Variants in SMYD2 observed in about 807,000 individuals in gnomAD.
SMYD2 encodes the protein SET and MYND domain containing 2, also known as N-lysine methyltransferase SMYD2.
In SMYD2, 53 loss-of-function variants were observed where a neutral mutation model predicts 59.1. The ratio of observed to expected loss-of-function variants is 0.90; its 90% CI spans 0.72 to 1.13. The LOEUF is 1.13. SMYD2 is among the 50% of genes most tolerant of loss of function. SMYD2 has a pLI of 0.00. For synonymous variants in SMYD2, 208 were observed against 198.8 expected (o/e 1.05, Z -0.39); for missense variants, 494 against 544.7 (o/e 0.91, Z 0.93).
intron 1 of SMYD2, among the ~76,000 whole-genome samples, chr1:214,300,090 C>CA (rs1422010036): frequency 6.6e-6 from 1 of 152,152 alleles, no homozygotes; most frequent in Non-Finnish European, 1.5e-5. Context: ...TAGCATCATG[C>CA]AAAATCCCTA....
chr1:214,295,440 A>G (rs566386426), intron 1 of SMYD2, among the ~76,000 whole-genome samples: 2 of 152,190 alleles, frequency 1.3e-5, no homozygotes, highest in African/African-American at 4.8e-5. Context: ...TGTCTGGGCC[A>G]GAGCCTGCAT....
At chr1:214,327,516 G>A (rs1335851851) in intron 6 of SMYD2, 106 bp from the exon 7 acceptor site, 2 of 895,828 alleles carry the variant, frequency 2.2e-6, no homozygotes, top group Non-Finnish European at 3.6e-6. Flanking sequence ...TTTAAAAAAT[G>A]TCTTGCAAAG....
chr1:214,336,980 G>T lies in SMYD2; in HGVS notation c.*196G>T, dbSNP rs895838091. 2.0e-6 allele frequency: 1 copy of T among 500,612 alleles called. No homozygotes were observed. The highest frequency in any genetic ancestry group is 3.5e-6 in the Non-Finnish European group (1 of 287,946). 31.0% of individuals were successfully genotyped at this position (500,612 alleles called of 1,614,324 possible). On this transcript the variant is annotated 3_prime_UTR_variant, in exon 12 of 12. Transcript: ENST00000366957. ...TGAACTTTAATACCAAATTAATTTT[G>T]AATGCTTTTGTTTCCTAAGAGATAA...
chr1:214,291,663 A>G (rs925482738), intron 1 of SMYD2, among the ~76,000 whole-genome samples: 1 of 152,202 alleles, frequency 6.6e-6, no homozygotes, highest in Non-Finnish European at 1.5e-5. Context: ...CTTTTCTTCC[A>G]GGGGTGTTGG....
intron 1 of SMYD2, among the ~76,000 whole-genome samples, chr1:214,290,988 G>A (rs1254543665): frequency 6.6e-6 from 1 of 152,212 alleles, no homozygotes; most frequent in Admixed American, 6.5e-5. Context: ...TACAGTGACA[G>A]TTGCTGTTCA....
At chr1:214,313,381 C>T (rs1558053766) in intron 2 of SMYD2, among the ~76,000 whole-genome samples, 1 of 151,948 alleles carries the variant, frequency 6.6e-6, no homozygotes, top group South Asian at 2.1e-4. Flanking sequence ...CCTCCCTGCC[C>T]TGAGCATTTA....
At chr1:214,293,833 C>T (rs967014531) in intron 1 of SMYD2, among the ~76,000 whole-genome samples, 35 of 152,218 alleles carry the variant, frequency 2.3e-4, no homozygotes, top group African/African-American at 7.7e-4. Context: ...CCCGCCACCA[C>T]GCCCAGTTAA....
intron 1 of SMYD2, among the ~76,000 whole-genome samples, chr1:214,294,403 T>TAA (rs1656690047): frequency 6.6e-6 from 1 of 152,326 alleles, no homozygotes; most frequent in African/African-American, 2.4e-5. Context: ...CGCGGTGGCT[T>TAA]ACGCCTATAT....
rs375380733 is a variant in SMYD2 at position 214,330,203 on chromosome 1, G to C, written c.741G>C (p.Thr247=). The C allele has an allele frequency of 7.4e-6, 12 of 1,613,296 alleles. No homozygotes were observed. The highest frequency in any genetic ancestry group is 1.0e-5 in the Non-Finnish European group (12 of 1,179,562). Residue 247 remains threonine, a synonymous_variant, in exon 8 of 12, where the codon ACG becomes ACC. Coordinates refer to ENST00000366957, the MANE Select transcript of SMYD2 (RefSeq NM_020197.3). Reference sequence around the variant, plus strand: ...GCTATATTGATCTCCTGTACCCAACGGAAGATAGAAATGACCGGTTAAGAG... The same window carrying C: ...GCTATATTGATCTCCTGTACCCAACCGAAGATAGAAATGACCGGTTAAGAG... ...FTSYIDLLYP[T]EDRNDRLRDS...
At chr1:214,330,041 C>T (rs142784714) in intron 7 of SMYD2, 127 bp from the exon 8 acceptor site, 346 of 552,148 alleles carry the variant, frequency 6.3e-4, no homozygotes, top group African/African-American at 6.1e-3. Flanking sequence ...AAGTAAACAG[C>T]GCATTCCTCC....
rs910805032 is a variant in SMYD2 at position 214,281,183 on chromosome 1, G to A, written c.-72G>A. On this transcript the variant is annotated 5_prime_UTR_variant, in exon 1 of 12. Transcript: ENST00000366957. ...CACCCCGCCCCCCGCAGCTCTAGGT[G>A]ACGCGTCTCCAATAACAGCTCGCCG... The A allele has an allele frequency of 2.7e-6, 3 of 1,126,522 alleles. No individual in the cohort carries two copies. The Admixed American group carries it at 1.3e-4, about 50-fold the overall frequency. 69.8% of individuals were successfully genotyped at this position (1,126,522 alleles called of 1,614,324 possible).
intron 1 of SMYD2, among the ~76,000 whole-genome samples, chr1:214,281,689 T>G (rs550021233): frequency 1.3e-5 from 2 of 152,330 alleles, no homozygotes; most frequent in Non-Finnish European, 2.9e-5. Context: ...TCACGCTGGA[T>G]GCGCAAACCC....
At chr1:214,317,441 A>G (rs1407430938) in intron 3 of SMYD2, among the ~76,000 whole-genome samples, 1 of 152,222 alleles carries the variant, frequency 6.6e-6, no homozygotes, top group Admixed American at 6.5e-5. Flanking sequence ...TGTATCCCCA[A>G]ATTGAATAGC....
chr1:214,336,762 A>G lies in SMYD2; in HGVS notation c.1280A>G (p.Lys427Arg). 1 of 1,613,702 alleles carries G rather than the reference A, an allele frequency of 6.2e-7. No homozygotes were observed. Among genetic ancestry groups the G allele is most frequent in the Non-Finnish European group, 8.5e-7 (1 of 1,179,944 alleles). ...GKDHPYISEI[K>R]QEIESH ...GATCATCCATATATTTCTGAGATCA[A>G]ACAGGAAATTGAAAGCCACTGAAAC... The change falls in exon 12 of 12, where the codon AAA (lysine) becomes AGA (arginine). Residue 427 changes from lysine (K) to arginine (R), a missense_variant. Coordinates refer to ENST00000366957, the MANE Select transcript of SMYD2 (RefSeq NM_020197.3).
chr1:214,288,622 T>C (rs1238622397), intron 1 of SMYD2, among the ~76,000 whole-genome samples: 1 of 152,262 alleles, frequency 6.6e-6, no homozygotes, highest in African/African-American at 2.4e-5. Flanking sequence ...ATGCATTGTT[T>C]AAAGAATTAT....
intron 1 of SMYD2, among the ~76,000 whole-genome samples, chr1:214,286,956 G>A (rs548043816): frequency 6.6e-6 from 1 of 151,630 alleles, no homozygotes; most frequent in African/African-American, 2.4e-5. Context: ...AGCCTGGTGA[G>A]TAGCTGGGAT....
intron 11 of SMYD2, among the ~76,000 whole-genome samples, chr1:214,335,308 A>G (rs189847235): frequency 1.2e-3 from 185 of 152,352 alleles, no homozygotes; most frequent in Non-Finnish European, 2.0e-3. Flanking sequence ...AAACCATGGA[A>G]TTTGTCTTCT....
chr1:214,332,012 C>G lies in SMYD2; in HGVS notation c.938-6C>G, dbSNP rs1429229257. 1 of 1,610,632 alleles carries G rather than the reference C, an allele frequency of 6.2e-7. No individual in the cohort carries two copies. Among genetic ancestry groups the G allele is most frequent in the African/African-American group, 1.3e-5 (1 of 74,870 alleles). On this transcript the variant is annotated splice_polypyrimidine_tract_variant and splice_region_variant and intron_variant, in intron 9 of 11. Transcript: ENST00000366957. The stretch of plus-strand genomic sequence containing the variant: ...CCCGGTGGCCCTTTCCTTGACTCCA[C>G]AGCACCCCCTAGTGAGCTGCTGGAG...
intron 2 of SMYD2, among the ~76,000 whole-genome samples, chr1:214,310,613 T>C (rs1354455135): frequency 6.6e-6 from 1 of 150,934 alleles, no homozygotes; most frequent in Non-Finnish European, 1.5e-5. Flanking sequence ...GTGGGAAAAG[T>C]TTTAGAAAAA....
Sources: allele counts gnomAD v4.1 joint callset (sites outside exome capture counted in the v4.1 genomes callset), GRCh38; gene constraint gnomAD v4.1.1; transcripts MANE v1.5; gene names NCBI Gene and HGNC (gene_info 2026-07-23, HGNC 2026-07-21).